BNC2: variants seen among roughly 807,000 people sequenced by gnomAD.
BNC2 encodes zinc finger protein basonuclin-2.
A neutral mutation model predicts 76.3 loss-of-function variants in BNC2; 20 were observed. That is an observed-to-expected ratio of 0.26 (90% CI 0.18 to 0.38). BNC2 has a LOEUF of 0.38. Among genes scored for constraint, BNC2 ranks in the 10% least tolerant of loss-of-function variants. The pLI is 1.00. For missense variants in BNC2, 1,382 were observed against 1,399.8 expected (o/e 0.99, Z 0.20); for synonymous variants, 582 against 514.8 (o/e 1.13, Z -1.77).
chr9:16,850,548 T>TTTACAA (rs753734874), intron 1 of BNC2, among the ~76,000 whole-genome samples: 6 of 152,320 alleles, frequency 3.9e-5, no homozygotes, highest in Middle Eastern at 3.4e-3. Flanking sequence ...GTAAACTATA[T>TTTACAA]GTGAAAAATC....
chr9:16,766,988 C>G (rs1033262126), intron 1 of BNC2, among the ~76,000 whole-genome samples: 98 of 152,334 alleles, frequency 6.4e-4, no homozygotes, highest in African/African-American at 2.2e-3. Flanking sequence ...TTTAAAGTCA[C>G]CATTAAGAAG....
At position 16,436,508 on chromosome 9, in the gene BNC2, C is replaced by T. The variant is rs1424053182; in HGVS notation, c.1686G>A (p.Gly562=). 2 of 1,613,890 alleles carry T rather than the reference C, an allele frequency of 1.2e-6. No homozygotes were observed. Among genetic ancestry groups the T allele is most frequent in the African/African-American group, 1.3e-5 (1 of 74,836 alleles). The change falls in exon 6 of 7, where the codon GGG becomes GGA. Residue 562 remains glycine, a synonymous_variant. Transcript: ENST00000380672. Reference sequence around the variant, plus strand: ...GAGGAACTGGTTGTACAGTCTTTAGCCCAGAAAATACTAGCTGGCTAGGGA... The same window carrying T: ...GAGGAACTGGTTGTACAGTCTTTAGTCCAGAAAATACTAGCTGGCTAGGGA... ...NPLPSQLVFS[G]LKTVQPVPPF...
chr9:16,867,275 G>A (rs1208329906), intron 1 of BNC2: 2 of 152,094 alleles, frequency 1.3e-5, no homozygotes, highest in African/African-American at 2.4e-5. Flanking sequence ...AAACAAAGAT[G>A]CTAATAGTAT....
chr9:16,569,766 A>G (rs1433694366), intron 4 of BNC2, among the ~76,000 whole-genome samples: 1 of 152,170 alleles, frequency 6.6e-6, no homozygotes, highest in Admixed American at 6.5e-5. Context: ...TTTTATCTGC[A>G]AATTTGACAG....
intron 1 of BNC2, among the ~76,000 whole-genome samples, chr9:16,806,668 A>G (rs984211402): frequency 2.0e-5 from 3 of 152,192 alleles, no homozygotes; most frequent in Non-Finnish European, 2.9e-5. Flanking sequence ...TGCTTAAGTA[A>G]CAGCCTTAAT....
intron 5 of BNC2, among the ~76,000 whole-genome samples, chr9:16,550,610 C>A (rs1180632813): frequency 6.6e-6 from 1 of 152,192 alleles, no homozygotes; most frequent in Non-Finnish European, 1.5e-5. Context: ...ACCAACATAG[C>A]CCTGCACATA....
At position 16,410,874 on chromosome 9, in the gene BNC2, C is replaced by G. The variant is rs1307848188; in HGVS notation, c.*8115G>C. On this transcript the variant is annotated 3_prime_UTR_variant, in exon 7 of 7. Transcript: ENST00000380672. Reference sequence around the variant, plus strand: ...TGGGGACTAGATTTAAAAAAAGAAACAGCCTTGGTGTATACATCTCAAGTG... The same window carrying G: ...TGGGGACTAGATTTAAAAAAAGAAAGAGCCTTGGTGTATACATCTCAAGTG... The G allele has an allele frequency of 1.3e-5, 2 of 152,244 alleles. No individual in the cohort carries two copies. Among genetic ancestry groups the G allele is most frequent in the African/African-American group, 2.4e-5 (1 of 41,460 alleles). The allele number at this position is 152,244 out of a possible 1,614,324, so 9.4% of individuals were successfully genotyped here.
intron 5 of BNC2, among the ~76,000 whole-genome samples, chr9:16,476,887 T>C (rs1165644371): frequency 6.6e-6 from 1 of 152,160 alleles, no homozygotes; most frequent in Non-Finnish European, 1.5e-5. Context: ...TGTACAAAAA[T>C]TGTCCAATTT....
intron 1 of BNC2, among the ~76,000 whole-genome samples, chr9:16,814,243 T>C (rs1586905457): frequency 1.3e-5 from 2 of 152,212 alleles, no homozygotes; most frequent in South Asian, 4.1e-4. Context: ...GGTACATATT[T>C]ATATAGTTGG....
rs1015165324 is a variant in BNC2, at chr9:16,411,336, A to G, written c.*7653T>C. 1 of 152,674 alleles carries G rather than the reference A, an allele frequency of 6.5e-6. No homozygotes were observed. Among genetic ancestry groups the G allele is most frequent in the Admixed American group, 6.5e-5 (1 of 15,284 alleles). 9.5% of individuals were successfully genotyped at this position (152,674 alleles called of 1,614,324 possible). On this transcript the variant is annotated 3_prime_UTR_variant, in exon 7 of 7. Transcript: ENST00000380672. The stretch of plus-strand genomic sequence containing the variant: ...TCTCTCTTCAAGAAATATACTTTCA[A>G]TACTATCTACTTCTCTCCATTTTTC...
chr9:16,848,340 G>A (rs2136140246), intron 1 of BNC2, among the ~76,000 whole-genome samples: 1 of 152,226 alleles, frequency 6.6e-6, no homozygotes, highest in East Asian at 1.9e-4. Flanking sequence ...AATGGGTGCT[G>A]GAAACATAAA....
chr9:16,578,428 T>C (rs1025127040), intron 4 of BNC2, among the ~76,000 whole-genome samples: 3 of 152,146 alleles, frequency 2.0e-5, no homozygotes, highest in African/African-American at 4.8e-5. Flanking sequence ...CCTCCTGTTT[T>C]TTTTCACGAA....
At chr9:16,623,031 G>A (rs1013403693) in intron 3 of BNC2, among the ~76,000 whole-genome samples, 4 of 152,048 alleles carry the variant, frequency 2.6e-5, no homozygotes, top group Admixed American at 6.6e-5. Context: ...CATAAAACAG[G>A]AGGAGAAGAT....
intron 3 of BNC2, among the ~76,000 whole-genome samples, chr9:16,694,871 C>T (rs1823290330): frequency 6.6e-6 from 1 of 152,076 alleles, no homozygotes; most frequent in Non-Finnish European, 1.5e-5. Flanking sequence ...AAGGGATACC[C>T]CCCCACCCCC....
intron 3 of BNC2, among the ~76,000 whole-genome samples, chr9:16,693,960 G>A (rs759321601): frequency 5.9e-5 from 9 of 152,262 alleles, no homozygotes; most frequent in Non-Finnish European, 1.2e-4. Flanking sequence ...CTATCTTTCC[G>A]CGGCAATCAA....
intron 1 of BNC2, among the ~76,000 whole-genome samples, chr9:16,852,501 T>C (rs1328334926): frequency 6.6e-6 from 1 of 152,226 alleles, no homozygotes; most frequent in Non-Finnish European, 1.5e-5. Flanking sequence ...CATCCATTCA[T>C]TCATTCAATA....
chr9:16,550,579 T>G (rs1023416510), intron 5 of BNC2, among the ~76,000 whole-genome samples: 6 of 152,352 alleles, frequency 3.9e-5, no homozygotes, highest in Admixed American at 3.3e-4. Flanking sequence ...AAGTGCTACC[T>G]GAGCTTTGTT....
intron 5 of BNC2, among the ~76,000 whole-genome samples, chr9:16,461,194 T>G (rs887892099): frequency 2.0e-5 from 3 of 152,196 alleles, no homozygotes; most frequent in Non-Finnish European, 4.4e-5. Flanking sequence ...TGAATGCCGC[T>G]CACTTGAATC....
At chr9:16,480,322 C>T (rs958529040) in intron 5 of BNC2, among the ~76,000 whole-genome samples, 6 of 152,240 alleles carry the variant, frequency 3.9e-5, no homozygotes, top group African/African-American at 1.2e-4. Flanking sequence ...TCATTACCAT[C>T]CCATTGAGAG....
Sources: allele counts gnomAD v4.1 joint callset (sites outside exome capture counted in the v4.1 genomes callset), GRCh38; gene constraint gnomAD v4.1.1; transcripts MANE v1.5; gene names NCBI Gene and HGNC (gene_info 2026-07-23, HGNC 2026-07-21).